Variants in NR3C2 observed in about 807,000 individuals in gnomAD.
The protein encoded by NR3C2 is nuclear receptor subfamily 3 group C member 2.
Under a neutral mutation model 86.4 loss-of-function variants are expected in NR3C2, and 15 were observed. The ratio of observed to expected loss-of-function variants is 0.17; its 90% CI spans 0.12 to 0.27. The LOEUF (loss-of-function observed/expected upper bound fraction) is 0.27, where lower values mean the gene tolerates loss of function less well. NR3C2 is among the 10% of genes least tolerant of loss of function. NR3C2 has a pLI of 1.00. For synonymous variants in NR3C2, 458 were observed against 450.5 expected, an observed-to-expected ratio of 1.02 and a Z score of -0.21; for missense variants, 960 against 1,195.6, an observed-to-expected ratio of 0.80 and a Z score of 2.91.
intron 2 of NR3C2, among the ~76,000 whole-genome samples, chr4:148,265,993 C>T (rs953998933): frequency 2.7e-5 from 4 of 149,766 alleles, no homozygotes; most frequent in African/African-American, 7.4e-5. Flanking sequence ...GGAAGTATTA[C>T]AAAGAAAATG....
intron 2 of NR3C2, among the ~76,000 whole-genome samples, chr4:148,375,688 A>G (rs911631674): frequency 6.6e-6 from 1 of 152,078 alleles, no homozygotes; most frequent in Non-Finnish European, 1.5e-5. Context: ...AAAAATACAA[A>G]ATTTCCAAGC....
At chr4:148,102,596 C>T (rs1409511860) in intron 8 of NR3C2, among the ~76,000 whole-genome samples, 1 of 152,152 alleles carries the variant, frequency 6.6e-6, no homozygotes, top group Non-Finnish European at 1.5e-5. Flanking sequence ...CATTCCACCA[C>T]CTGAACCTCT....
At chr4:148,285,748 G>T (rs1741491532) in intron 2 of NR3C2, among the ~76,000 whole-genome samples, 1 of 151,964 alleles carries the variant, frequency 6.6e-6, no homozygotes, top group African/African-American at 2.4e-5. Context: ...TTCCTCCATT[G>T]GCACACAATG....
At chr4:148,215,964 G>T (rs1737515552) in intron 3 of NR3C2, among the ~76,000 whole-genome samples, 1 of 151,774 alleles carries the variant, frequency 6.6e-6, no homozygotes. Context: ...GTGTGTGTGT[G>T]TTTTTAGTAG....
chr4:148,177,249 A>T (rs1735419415), intron 4 of NR3C2, among the ~76,000 whole-genome samples: 1 of 152,238 alleles, frequency 6.6e-6, no homozygotes. Context: ...AATTTGACAA[A>T]TCAATAGTTT....
At chr4:148,318,020 C>T (rs1743305263) in intron 2 of NR3C2, among the ~76,000 whole-genome samples, 1 of 113,948 alleles carries the variant, frequency 8.8e-6, no homozygotes, top group Non-Finnish European at 1.8e-5. Context: ...TGCTATCCCT[C>T]CCCCCTCCCC....
intron 4 of NR3C2, among the ~76,000 whole-genome samples, chr4:148,179,308 T>C (rs1186714300): frequency 6.6e-6 from 1 of 151,406 alleles, no homozygotes; most frequent in East Asian, 1.9e-4. Context: ...AATGACAAGA[T>C]TTCCTATGCC....
intron 2 of NR3C2, among the ~76,000 whole-genome samples, chr4:148,424,021 C>T (rs1376355487): frequency 6.6e-6 from 1 of 152,200 alleles, no homozygotes; most frequent in Non-Finnish European, 1.5e-5. Context: ...CCTACCAATA[C>T]AGAATTTTAA....
intron 2 of NR3C2, among the ~76,000 whole-genome samples, chr4:148,297,910 G>A (rs981473864): frequency 6.6e-6 from 1 of 150,924 alleles, no homozygotes; most frequent in Admixed American, 6.6e-5. Context: ...AAAAAATCAC[G>A]TAGTATACAT....
At chr4:148,423,094 C>A (rs920156947) in intron 2 of NR3C2, among the ~76,000 whole-genome samples, 3 of 152,112 alleles carry the variant, frequency 2.0e-5, no homozygotes, top group African/African-American at 7.2e-5. Context: ...CGCTCACCAT[C>A]CCAACCAGTT....
chr4:148,123,593 C>T (rs1732612252), intron 6 of NR3C2, among the ~76,000 whole-genome samples: 1 of 152,162 alleles, frequency 6.6e-6, no homozygotes, highest in Admixed American at 6.5e-5. Flanking sequence ...TATGTGATGC[C>T]ACCCCCAGTG....
chr4:148,359,279 GA>G (rs897548808), intron 2 of NR3C2, among the ~76,000 whole-genome samples: 10 of 151,184 alleles, frequency 6.6e-5, no homozygotes, highest in South Asian at 4.2e-4. Flanking sequence ...TTAAAGGGGG[GA>G]AAAAAAAGAA....
At chr4:148,442,613 C>G, upstream of NR3C2, 1 of 982,930 alleles carries the variant, frequency 1.0e-6, no homozygotes, top group Non-Finnish European at 1.2e-6. Context: ...GGCTCCACGC[C>G]GCACGGGTCA....
At chr4:148,427,477 A>C (rs1387950461) in intron 2 of NR3C2, among the ~76,000 whole-genome samples, 1 of 151,926 alleles carries the variant, frequency 6.6e-6, no homozygotes, top group Non-Finnish European at 1.5e-5. Context: ...TATCAAGCCC[A>C]AGGGTGGCTC....
chr4:148,329,623 A>T (rs1292119990), intron 2 of NR3C2, among the ~76,000 whole-genome samples: 1 of 152,228 alleles, frequency 6.6e-6, no homozygotes, highest in African/African-American at 2.4e-5. Flanking sequence ...CCATTTGCTA[A>T]ACATCCACCA....
chr4:148,317,500 G>C lies in NR3C2; in HGVS notation c.1758-57383C>G, dbSNP rs143150638. ...AAATATAACAAAACCCAGTTGCTTTGTACCTATTTTGAACAACTTATAAAA... is the reference window on the plus strand; with the variant it reads ...AAATATAACAAAACCCAGTTGCTTTCTACCTATTTTGAACAACTTATAAAA... On this transcript the variant is annotated intron_variant, in intron 2 of 8. Transcript: ENST00000358102. Among the ~76,000 whole-genome samples, 33 of 151,794 alleles carry C rather than the reference G, an allele frequency of 2.2e-4. No individual in the cohort carries two copies. The East Asian group carries it at 3.7e-3, about 17-fold the overall frequency.
intron 6 of NR3C2, among the ~76,000 whole-genome samples, chr4:148,138,690 C>T: frequency 6.6e-6 from 1 of 152,164 alleles, no homozygotes; most frequent in East Asian, 1.9e-4. Flanking sequence ...AGCCATCTCA[C>T]TTATTTTAAA....
intron 2 of NR3C2, among the ~76,000 whole-genome samples, chr4:148,350,938 T>C (rs1020685509): frequency 6.6e-6 from 1 of 152,190 alleles, no homozygotes; most frequent in Non-Finnish European, 1.5e-5. Context: ...TAAAATATGC[T>C]TTAGGTGTTC....
intron 2 of NR3C2, among the ~76,000 whole-genome samples, chr4:148,429,755 C>T (rs565670094): frequency 2.6e-5 from 4 of 152,110 alleles, no homozygotes; most frequent in Non-Finnish European, 1.5e-5. Flanking sequence ...TATTTTTCCT[C>T]GGTTTTCATT....
Sources: allele counts gnomAD v4.1 joint callset (sites outside exome capture counted in the v4.1 genomes callset), GRCh38; gene constraint gnomAD v4.1.1; transcripts MANE v1.5; gene names NCBI Gene and HGNC (gene_info 2026-07-23, HGNC 2026-07-21).